SBK1: variants seen among roughly 807,000 people sequenced by gnomAD.
The protein encoded by SBK1 is SH3 domain binding kinase 1.
Under a neutral mutation model 24.4 loss-of-function variants are expected in SBK1, and 11 were observed. The observed-to-expected ratio is 0.45, with a 90% CI of 0.28 to 0.75. SBK1 has a LOEUF of 0.75. SBK1 is among the 30% of genes least tolerant of loss of function. SBK1 has a pLI of 0.12. For synonymous variants in SBK1, 308 were observed against 284.4 expected (o/e 1.08, Z -0.83); for missense variants, 467 against 620.5 (o/e 0.75, Z 2.63).
chr16:28,278,738 C>T (rs904513593), intron 1 of SBK1, among the ~76,000 whole-genome samples: 2 of 152,142 alleles, frequency 1.3e-5, no homozygotes, highest in African/African-American at 2.4e-5. Flanking sequence ...GATCACACTC[C>T]GACCACCTCC....
intron 2 of SBK1, among the ~76,000 whole-genome samples, chr16:28,318,221 CTG>C (rs1357511722): frequency 6.6e-6 from 1 of 152,344 alleles, no homozygotes; most frequent in Admixed American, 6.5e-5. Flanking sequence ...CTCCCCCACA[CTG>C]TAGGTCACAG....
chr16:28,265,851 G>C (rs889903304), intron 1 of SBK1, among the ~76,000 whole-genome samples: 7 of 151,802 alleles, frequency 4.6e-5, no homozygotes, highest in Non-Finnish European at 8.8e-5. Context: ...GTACGCACCT[G>C]TAATCTGAGC....
intron 1 of SBK1, among the ~76,000 whole-genome samples, chr16:28,303,633 G>A (rs2044695773): frequency 6.9e-6 from 1 of 145,920 alleles, no homozygotes; most frequent in South Asian, 2.1e-4. Flanking sequence ...TCCCACTTCA[G>A]TCTCCTGAGT....
chr16:28,282,635 T>TGAATGAATGAATGAATGAAC (rs1371018352), intron 1 of SBK1, among the ~76,000 whole-genome samples: 161 of 152,012 alleles, frequency 1.1e-3, no homozygotes, highest in Non-Finnish European at 2.0e-3. Context: ...TGTGAATGAA[T>TGAATGAATGAATGAATGAAC]GAATGAATGA....
intron 1 of SBK1, among the ~76,000 whole-genome samples, chr16:28,302,226 C>T (rs2044684469): frequency 6.6e-6 from 1 of 152,212 alleles, no homozygotes; most frequent in Non-Finnish European, 1.5e-5. Context: ...CAGGGATGAC[C>T]AGGGCTCCCT....
At chr16:28,307,055 AG>A (rs1308242630) in intron 1 of SBK1, among the ~76,000 whole-genome samples, 1 of 151,080 alleles carries the variant, frequency 6.6e-6, no homozygotes, top group Non-Finnish European at 1.5e-5. Context: ...CCCCAGCCCC[AG>A]CCCCAGCCCC....
chr16:28,280,517 T>C (rs2044527290), intron 1 of SBK1, among the ~76,000 whole-genome samples: 1 of 150,704 alleles, frequency 6.6e-6, no homozygotes, highest in Admixed American at 6.6e-5. Context: ...TCTACCCCCA[T>C]TCCTTGAAAT....
rs572156294 is a variant in SBK1, at chr16:28,259,833, C to A, written c.257+331C>A. ...GCATTCAAGGCCTGCGTGATTGGGG[C>A]CGACACTCCCCACCTCATCTCACTC... On this transcript the variant is annotated intron_variant, in intron 1 of 3. Transcript: ENST00000671413. The surrounding 1 kb of genome is among the most constrained non-coding windows in gnomAD (Gnocchi z 6.0). 1.3e-5 allele frequency among the ~76,000 whole-genome samples: 2 copies of A among 152,186 alleles called. No individual in the cohort carries two copies. Among genetic ancestry groups the A allele is most frequent in the South Asian group, 4.1e-4 (2 of 4,826 alleles).
At chr16:28,283,426 T>C (rs2044545946) in intron 1 of SBK1, among the ~76,000 whole-genome samples, 1 of 152,158 alleles carries the variant, frequency 6.6e-6, no homozygotes, top group African/African-American at 2.4e-5. Flanking sequence ...TGCCGTCTGC[T>C]GTGTTGGCCT....
At chr16:28,303,507 C>CTTTTTTTTTTTTTTTTTT (rs143613970) in intron 1 of SBK1, among the ~76,000 whole-genome samples, 1 of 58,078 alleles carries the variant, frequency 1.7e-5, no homozygotes, top group Non-Finnish European at 3.0e-5. Flanking sequence ...CTTTTCTTTT[C>CTTTTTTTTTTTTTTTTTT]TTTTTTTTTT....
rs2044864409 is a variant in SBK1, at chr16:28,322,918, CG to C, written c.*1998del. Reference sequence around the variant, plus strand: ...CCGTGCTCGCTCTCTCTCTCGCGCGCGCTCTCTCTCTCCCTCTCTCTCTCTC... The same window carrying C: ...CCGTGCTCGCTCTCTCTCTCGCGCGCCTCTCTCTCTCCCTCTCTCTCTCTC... On this transcript the variant is annotated 3_prime_UTR_variant, in exon 4 of 4. Coordinates refer to ENST00000341901, the MANE Select transcript of SBK1 (RefSeq NM_001024401.3). 2.5e-4 allele frequency: 11 copies of C among 43,692 alleles called. No individual in the cohort carries two copies. Among genetic ancestry groups the C allele is most frequent in the East Asian group, 1.8e-3 (2 of 1,130 alleles). 2.7% of individuals were successfully genotyped at this position (43,692 alleles called of 1,614,324 possible). A position where few individuals can be genotyped will look rare whatever the true frequency, so the allele number is the denominator to read the frequency against.
At chr16:28,316,693 T>A (rs952945918) in intron 1 of SBK1, among the ~76,000 whole-genome samples, 4 of 152,200 alleles carry the variant, frequency 2.6e-5, no homozygotes, top group African/African-American at 4.8e-5. Context: ...CCTGCACATG[T>A]ACCCCAGAAC....
chr16:28,263,251 C>T (rs2141556958), intron 1 of SBK1, among the ~76,000 whole-genome samples: 1 of 152,318 alleles, frequency 6.6e-6, no homozygotes, highest in South Asian at 2.1e-4. Context: ...AAAATACCAT[C>T]CCTGCTCTCA....
At chr16:28,314,590 T>C (rs1422615763) in intron 1 of SBK1, among the ~76,000 whole-genome samples, 1 of 152,206 alleles carries the variant, frequency 6.6e-6, no homozygotes, top group Non-Finnish European at 1.5e-5. Flanking sequence ...GCTCTACATC[T>C]GTGCCTTCTC....
chr16:28,306,866 A>G (rs2044719876), intron 1 of SBK1, among the ~76,000 whole-genome samples: 1 of 152,256 alleles, frequency 6.6e-6, no homozygotes, highest in Non-Finnish European at 1.5e-5. Flanking sequence ...CTGTAGGCAC[A>G]TAGCTATTTT....
intron 1 of SBK1, among the ~76,000 whole-genome samples, chr16:28,270,551 G>A: frequency 6.6e-6 from 1 of 151,608 alleles, no homozygotes; most frequent in African/African-American, 2.4e-5. Flanking sequence ...TGAGCCTCCT[G>A]GGTACCTGGG....
At chr16:28,275,568 A>C (rs754536985) in intron 1 of SBK1, among the ~76,000 whole-genome samples, 8 of 152,116 alleles carry the variant, frequency 5.3e-5, no homozygotes, top group Non-Finnish European at 1.0e-4. Context: ...CTTGGTGCCC[A>C]CAAGAAAGTC....
intron 1 of SBK1, among the ~76,000 whole-genome samples, chr16:28,267,878 T>C (rs1253597460): frequency 6.6e-6 from 1 of 152,206 alleles, no homozygotes; most frequent in African/African-American, 2.4e-5. Flanking sequence ...CCAGGCGCAG[T>C]GGCTCGTGCC....
intron 1 of SBK1, among the ~76,000 whole-genome samples, chr16:28,273,208 C>A (rs1317590095): frequency 1.3e-5 from 2 of 151,754 alleles, no homozygotes; most frequent in South Asian, 4.2e-4. Context: ...CCGCACCTGG[C>A]CTCTCTTTCA....
Sources: allele counts gnomAD v4.1 joint callset (sites outside exome capture counted in the v4.1 genomes callset), GRCh38; gene constraint gnomAD v4.1.1; non-coding constraint Gnocchi (gnomAD v3.1); transcripts MANE v1.5; gene names NCBI Gene and HGNC (gene_info 2026-07-23, HGNC 2026-07-21).